Variants in DNAJC1 observed in about 807,000 individuals in gnomAD.
The protein encoded by DNAJC1 is dnaJ homolog subfamily C member 1.
A neutral mutation model predicts 76.6 loss-of-function variants in DNAJC1; 58 were observed. The ratio of observed to expected loss-of-function variants is 0.76; its 90% CI spans 0.61 to 0.94. The LOEUF (loss-of-function observed/expected upper bound fraction) is 0.94, where lower values mean the gene tolerates loss of function less well. Among genes scored for constraint, DNAJC1 ranks in the 40% least tolerant of loss-of-function variants. The pLI, the probability that DNAJC1 is intolerant of heterozygous loss-of-function variation, is 0.00. For missense variants in DNAJC1, 689 were observed against 677.3 expected (o/e 1.02, Z -0.19); for synonymous variants, 258 against 267.9 (o/e 0.96, Z 0.36).
At chr10:21,767,430 A>C (rs1404901364) in intron 9 of DNAJC1, among the ~76,000 whole-genome samples, 1 of 151,956 alleles carries the variant, frequency 6.6e-6, no homozygotes, top group African/African-American at 2.4e-5. Context: ...TTTCTCTGTC[A>C]ACTTATTTTG....
At position 21,902,213 on chromosome 10, in the gene DNAJC1, G is replaced by C. The variant is rs531721586; in HGVS notation, c.820+2309C>G. On this transcript the variant is annotated intron_variant, in intron 7 of 11. Transcript: ENST00000376980. The stretch of plus-strand genomic sequence containing the variant: ...CTGAGTTTCAATAACTGATAAGCTA[G>C]TGATGAATTTTCAAATGTTTTACAA... Among the ~76,000 whole-genome samples the C allele has an allele frequency of 2.0e-5, 3 of 152,298 alleles. No homozygotes were observed. The East Asian group carries it at 5.8e-4, about 29-fold the overall frequency.
chr10:21,993,420 T>C (rs968814378), intron 1 of DNAJC1, among the ~76,000 whole-genome samples: 1 of 152,182 alleles, frequency 6.6e-6, no homozygotes, highest in African/African-American at 2.4e-5. Context: ...CTCAGCATGC[T>C]TGCAGCACAC....
intron 1 of DNAJC1, 125 bp from the exon 2 acceptor site, chr10:21,929,266 G>A (rs984257796): frequency 1.6e-6 from 1 of 632,880 alleles, no homozygotes. Context: ...TGTAATTTGA[G>A]CAATCAGTCT....
chr10:21,941,735 C>T (rs1461593699), intron 1 of DNAJC1, among the ~76,000 whole-genome samples: 1 of 151,854 alleles, frequency 6.6e-6, no homozygotes, highest in Non-Finnish European at 1.5e-5. Flanking sequence ...TGTAGGTATT[C>T]TTAAAACAGA....
At chr10:21,935,083 T>A (rs1048775635) in intron 1 of DNAJC1, among the ~76,000 whole-genome samples, 2 of 151,822 alleles carry the variant, frequency 1.3e-5, no homozygotes, top group African/African-American at 4.8e-5. Context: ...CAATAAAAAA[T>A]TATAAAGCAT....
rs148088706 is a variant in DNAJC1, at chr10:21,873,667, A to G, written c.978+8615T>C. On this transcript the variant is annotated intron_variant, in intron 8 of 11. Coordinates refer to ENST00000376980, the MANE Select transcript of DNAJC1 (RefSeq NM_022365.4). ...ACACTGGACAGTAACTCAACTCCCT[A>G]TGGAAAAATAAATGCCAAGAAAGGT... Among the ~76,000 whole-genome samples the G allele has an allele frequency of 8.2e-3, 1,254 of 152,334 alleles. 12 individuals carry two copies. Among genetic ancestry groups the G allele is most frequent in the Non-Finnish European group, 0.012 (827 of 68,032 alleles).
At chr10:21,840,352 C>G (rs1451235725) in intron 8 of DNAJC1, among the ~76,000 whole-genome samples, 1 of 152,100 alleles carries the variant, frequency 6.6e-6, no homozygotes, top group East Asian at 1.9e-4. Context: ...TCTAGAAAAC[C>G]CCATCGTCTC....
intron 1 of DNAJC1, among the ~76,000 whole-genome samples, chr10:21,935,209 T>C (rs1837291354): frequency 6.6e-6 from 1 of 152,124 alleles, no homozygotes; most frequent in South Asian, 2.1e-4. Context: ...ATTTTAAATA[T>C]GCTTAAAGAG....
intron 8 of DNAJC1, among the ~76,000 whole-genome samples, chr10:21,836,316 C>T (rs1161258350): frequency 6.6e-6 from 1 of 152,164 alleles, no homozygotes; most frequent in Non-Finnish European, 1.5e-5. Context: ...TAAAAGAACT[C>T]CTGAAGGCAG....
intron 8 of DNAJC1, among the ~76,000 whole-genome samples, chr10:21,872,697 T>C (rs1836123516): frequency 6.6e-6 from 1 of 152,042 alleles, no homozygotes; most frequent in Non-Finnish European, 1.5e-5. Flanking sequence ...TATCAATATA[T>C]GAACAATGGA....
intron 1 of DNAJC1, among the ~76,000 whole-genome samples, chr10:21,998,281 T>G (rs1838451520): frequency 6.7e-6 from 1 of 149,600 alleles, no homozygotes; most frequent in South Asian, 2.1e-4. Flanking sequence ...TCCCAGCTAC[T>G]CGGGAGGCTG....
intron 9 of DNAJC1, among the ~76,000 whole-genome samples, chr10:21,786,624 G>A (rs779858863): frequency 2.0e-5 from 3 of 151,762 alleles, no homozygotes; most frequent in African/African-American, 4.8e-5. Context: ...TAGCAGGCGT[G>A]CGCCACCACA....
At position 21,920,967 on chromosome 10, in the gene DNAJC1, C is replaced by G. The variant is rs1400333661; in HGVS notation, c.372-4G>C. The G allele has an allele frequency of 1.3e-6, 2 of 1,583,064 alleles. No individual in the cohort carries two copies. Among genetic ancestry groups the G allele is most frequent in the Admixed American group, 3.5e-5 (2 of 56,868 alleles). On this transcript the variant is annotated splice_region_variant and splice_polypyrimidine_tract_variant and intron_variant, in intron 3 of 11. Coordinates refer to ENST00000376980, the MANE Select transcript of DNAJC1 (RefSeq NM_022365.4). ...ATTGATCAGAATATCATCATACCTA[C>G]AGTACAAATATAACAGTTTTTCACG...
chr10:21,850,992 C>A (rs377302055), intron 8 of DNAJC1, among the ~76,000 whole-genome samples: 2 of 151,976 alleles, frequency 1.3e-5, no homozygotes, highest in Admixed American at 1.3e-4. Flanking sequence ...ATAACTCACA[C>A]CACAAATAAA....
rs1421671798 is a variant in DNAJC1, at chr10:21,934,478, T to G, written c.223-5337A>C. On this transcript the variant is annotated intron_variant, in intron 1 of 11. Coordinates refer to ENST00000376980, the MANE Select transcript of DNAJC1 (RefSeq NM_022365.4). ...TACAGAAATGTCCTAGGCCTTCACA[T>G]TCACTTACCACTTACTCAGTGACTC... Among the ~76,000 whole-genome samples, 6 of 152,284 alleles carry G rather than the reference T, an allele frequency of 3.9e-5. No individual in the cohort carries two copies. In the East Asian group the frequency reaches 1.2e-3, roughly 29 times the overall value.
At chr10:21,964,764 G>T (rs772149184) in intron 1 of DNAJC1, among the ~76,000 whole-genome samples, 16 of 146,118 alleles carry the variant, frequency 1.1e-4, no homozygotes, top group Non-Finnish European at 2.1e-4. Context: ...TCTTCATTGT[G>T]TTCTTTTTCT....
chr10:21,911,049 AAGGAAGG>A (rs1309847055), intron 6 of DNAJC1, among the ~76,000 whole-genome samples: 3 of 10,930 alleles, frequency 2.7e-4, no homozygotes, highest in African/African-American at 1.8e-3. Flanking sequence ...GAAAGGAAGG[AAGGAAGG>A]AAGGAAGGAA....
At chr10:21,927,118 C>G (rs995339129) in intron 3 of DNAJC1, among the ~76,000 whole-genome samples, 3 of 152,192 alleles carry the variant, frequency 2.0e-5, no homozygotes, top group African/African-American at 7.2e-5. Flanking sequence ...ACCAAAACTT[C>G]TTTCAACACG....
At chr10:21,854,196 T>G (rs1835796614) in intron 8 of DNAJC1, among the ~76,000 whole-genome samples, 1 of 152,028 alleles carries the variant, frequency 6.6e-6, no homozygotes, top group South Asian at 2.1e-4. Flanking sequence ...ATATAAGAAT[T>G]ATATCTCAAT....
Sources: gnomAD v4.1 joint callset for allele counts (sites outside exome capture counted in the v4.1 genomes callset) on GRCh38, gnomAD v4.1.1 for gene constraint, MANE v1.5 for transcripts, NCBI Gene and HGNC (gene_info 2026-07-23, HGNC 2026-07-21) for gene names.